The following LRRC4C variants were observed in gnomAD, a reference collection of about 807,000 sequenced individuals.
LRRC4C encodes leucine rich repeat containing 4C, also known as leucine-rich repeat-containing protein 4C.
A neutral mutation model predicts 33.6 loss-of-function variants in LRRC4C; 5 were observed. That is an observed-to-expected ratio of 0.15 (90% CI 0.08 to 0.31). LRRC4C has a LOEUF of 0.31. Ranked by LOEUF, LRRC4C falls within the 10% of genes least tolerant of loss-of-function variation. LRRC4C has a pLI of 1.00. For synonymous variants in LRRC4C, 329 were observed against 302.0 expected (o/e 1.09, Z -0.93); for missense variants, 560 against 796.7 (o/e 0.70, Z 3.58).
Position 40,746,828 on chromosome 11 carries a change from T to C in LRRC4C, c.-406-98550A>G, listed in dbSNP as rs991953610. Among the ~76,000 whole-genome samples the C allele has an allele frequency of 2.0e-5, 3 of 152,320 alleles. No individual in the cohort carries two copies. The East Asian group carries it at 5.8e-4, about 29-fold the overall frequency. On this transcript the variant is annotated intron_variant, in intron 2 of 6. Transcript: ENST00000528697. Reference sequence around the variant, plus strand: ...ATACCACAACTGGTGCCTATCTGTATGTCCCACCTGTGGGCCTGGACACTG... The same window carrying C: ...ATACCACAACTGGTGCCTATCTGTACGTCCCACCTGTGGGCCTGGACACTG...
intron 3 of LRRC4C, among the ~76,000 whole-genome samples, chr11:40,587,511 T>A (rs1207554706): frequency 2.9e-5 from 4 of 140,096 alleles, no homozygotes; most frequent in East Asian, 4.1e-4. Context: ...TCCAACACTA[T>A]GTTGAATAGG....
chr11:40,383,697 T>C (rs1400208167), intron 3 of LRRC4C, among the ~76,000 whole-genome samples: 2 of 151,850 alleles, frequency 1.3e-5, no homozygotes, highest in African/African-American at 4.8e-5. Context: ...ATTTTATTTA[T>C]TTATTTTTTT....
At chr11:41,419,217 G>T (rs1954791671) in intron 1 of LRRC4C, among the ~76,000 whole-genome samples, 1 of 151,802 alleles carries the variant, frequency 6.6e-6, no homozygotes, top group African/African-American at 2.4e-5. Flanking sequence ...ACCTTCTAAG[G>T]GACACTGACC....
chr11:41,430,983 C>A (rs1955213044), intron 1 of LRRC4C, among the ~76,000 whole-genome samples: 1 of 152,036 alleles, frequency 6.6e-6, no homozygotes, highest in South Asian at 2.1e-4. Context: ...CTACTCTCAA[C>A]TAATCAGAGT....
At chr11:41,403,989 C>G (rs1286527938) in intron 1 of LRRC4C, among the ~76,000 whole-genome samples, 2 of 151,934 alleles carry the variant, frequency 1.3e-5, no homozygotes, top group South Asian at 4.1e-4. Flanking sequence ...AATGACCTTG[C>G]AGTAGAAATA....
At chr11:40,437,007 C>T (rs1290145683) in intron 3 of LRRC4C, among the ~76,000 whole-genome samples, 2 of 152,066 alleles carry the variant, frequency 1.3e-5, no homozygotes, top group African/African-American at 2.4e-5. Flanking sequence ...CTGGAGCAGT[C>T]AGGGATGAGC....
chr11:40,420,306 G>C (rs1459257927), intron 3 of LRRC4C, among the ~76,000 whole-genome samples: 1 of 152,120 alleles, frequency 6.6e-6, no homozygotes, highest in Non-Finnish European at 1.5e-5. Context: ...GAGCATAGCA[G>C]GCCTGCCTCT....
intron 1 of LRRC4C, among the ~76,000 whole-genome samples, chr11:41,082,056 C>T (rs976052049): frequency 5.3e-5 from 8 of 152,154 alleles, no homozygotes; most frequent in Non-Finnish European, 1.0e-4. Context: ...GAACTGGTCT[C>T]AATGGTCGCT....
At chr11:40,693,261 G>A (rs1945315449) in intron 2 of LRRC4C, among the ~76,000 whole-genome samples, 1 of 152,116 alleles carries the variant, frequency 6.6e-6, no homozygotes, top group Non-Finnish European at 1.5e-5. Flanking sequence ...TTGAGTGTCT[G>A]ACTAAATTCA....
chr11:40,345,025 C>T (rs1947059018), intron 3 of LRRC4C, among the ~76,000 whole-genome samples: 1 of 152,044 alleles, frequency 6.6e-6, no homozygotes, highest in Non-Finnish European at 1.5e-5. Flanking sequence ...GATAGAAAAA[C>T]ATTACATGCT....
chr11:40,170,222 A>G (rs1476571296), intron 5 of LRRC4C, among the ~76,000 whole-genome samples: 3 of 152,184 alleles, frequency 2.0e-5, no homozygotes, highest in African/African-American at 7.2e-5. Context: ...AAAGAACATA[A>G]AAGCATTTTA....
At chr11:40,260,595 G>A (rs761011243) in intron 4 of LRRC4C, among the ~76,000 whole-genome samples, 4 of 151,706 alleles carry the variant, frequency 2.6e-5, no homozygotes, top group Non-Finnish European at 4.4e-5. Context: ...AAAATGTCCC[G>A]TTTACCACTT....
chr11:41,454,387 C>A (rs1590334201), intron 1 of LRRC4C, among the ~76,000 whole-genome samples: 2 of 152,230 alleles, frequency 1.3e-5, no homozygotes, highest in South Asian at 2.1e-4. Context: ...GCAGCATTCC[C>A]TGTCCAAATA....
At chr11:40,593,371 GTACACA>G (rs1959144754) in intron 3 of LRRC4C, among the ~76,000 whole-genome samples, 2 of 152,036 alleles carry the variant, frequency 1.3e-5, no homozygotes, top group South Asian at 4.1e-4. Flanking sequence ...CACACTCCCT[GTACACA>G]TACACATGTG....
At chr11:40,591,741 C>T (rs1036596512) in intron 3 of LRRC4C, among the ~76,000 whole-genome samples, 3 of 152,176 alleles carry the variant, frequency 2.0e-5, no homozygotes, top group African/African-American at 7.2e-5. Flanking sequence ...GTGACCTTAA[C>T]CTTGCTGGAT....
chr11:40,773,458 T>A (rs1459153954), intron 2 of LRRC4C, among the ~76,000 whole-genome samples: 2 of 149,672 alleles, frequency 1.3e-5, no homozygotes, highest in Admixed American at 6.8e-5. Context: ...TATCAAAATA[T>A]CTCATGTACC....
intron 3 of LRRC4C, among the ~76,000 whole-genome samples, chr11:40,371,256 A>T (rs997263238): frequency 3.9e-5 from 6 of 152,172 alleles, no homozygotes; most frequent in African/African-American, 1.2e-4. Flanking sequence ...ATTTCACAAC[A>T]TTACAAATTG....
At chr11:40,685,715 AGAG>A (rs1212823803) in intron 2 of LRRC4C, among the ~76,000 whole-genome samples, 2 of 151,922 alleles carry the variant, frequency 1.3e-5, no homozygotes, top group African/African-American at 2.4e-5. Context: ...AAATCAGAGA[AGAG>A]AGAGAACTTG....
intron 3 of LRRC4C, among the ~76,000 whole-genome samples, chr11:40,556,531 A>G (rs1957339059): frequency 1.3e-5 from 2 of 152,204 alleles, no homozygotes; most frequent in African/African-American, 2.4e-5. Context: ...GGTCTTCTAC[A>G]TATCTCAATA....
Sources: allele counts gnomAD v4.1 joint callset (sites outside exome capture counted in the v4.1 genomes callset), GRCh38; gene constraint gnomAD v4.1.1; transcripts MANE v1.5; gene names NCBI Gene and HGNC (gene_info 2026-07-23, HGNC 2026-07-21).